Variants in CACNG2 observed in about 807,000 individuals in gnomAD.
The protein encoded by CACNG2 is calcium voltage-gated channel auxiliary subunit gamma 2, also known as voltage-dependent calcium channel gamma-2 subunit.
Under a neutral mutation model 25.9 loss-of-function variants are expected in CACNG2, and 3 were observed. That is an observed-to-expected ratio of 0.12 (90% CI 0.05 to 0.30). CACNG2 has a LOEUF of 0.30. Among genes scored for constraint, CACNG2 ranks in the 10% least tolerant of loss-of-function variants. The pLI is 1.00. For synonymous variants in CACNG2, 167 were observed against 173.3 expected (o/e 0.96, Z 0.29); for missense variants, 341 against 432.5 (o/e 0.79, Z 1.88).
At chr22:36,597,761 C>T (rs187450059) in intron 1 of CACNG2, among the ~76,000 whole-genome samples, 24 of 152,268 alleles carry the variant, frequency 1.6e-4, no homozygotes, top group Non-Finnish European at 2.9e-4. Context: ...GGTTCAGATT[C>T]GGTGACTCTC....
At chr22:36,567,838 A>AATATG (rs2145906417) in intron 2 of CACNG2, among the ~76,000 whole-genome samples, 1 of 151,864 alleles carries the variant, frequency 6.6e-6, no homozygotes, top group East Asian at 1.9e-4. Flanking sequence ...GGTGAGGGAA[A>AATATG]ATATGTCTTC....
At chr22:36,615,448 C>A (rs1487460298) in intron 1 of CACNG2, among the ~76,000 whole-genome samples, 1 of 152,216 alleles carries the variant, frequency 6.6e-6, no homozygotes, top group Non-Finnish European at 1.5e-5. Context: ...ATACAACAAG[C>A]AGACTTCCCC....
At chr22:36,630,185 A>G (rs1396025350) in intron 1 of CACNG2, among the ~76,000 whole-genome samples, 1 of 152,152 alleles carries the variant, frequency 6.6e-6, no homozygotes, top group Non-Finnish European at 1.5e-5. Context: ...GAGGACCTGA[A>G]GAATAGTTTG....
chr22:36,692,026 C>T (rs1937273131), intron 1 of CACNG2, among the ~76,000 whole-genome samples: 1 of 152,132 alleles, frequency 6.6e-6, no homozygotes, highest in Non-Finnish European at 1.5e-5. Context: ...AAAGTGCATA[C>T]ATCCTTTAAG....
At chr22:36,682,257 C>T (rs1401360277) in intron 1 of CACNG2, among the ~76,000 whole-genome samples, 1 of 152,202 alleles carries the variant, frequency 6.6e-6, no homozygotes, top group African/African-American at 2.4e-5. Context: ...CCCACCTCTG[C>T]CCCTGTTAGC....
In CACNG2 at chr22:36,564,472, G is replaced by C. The variant is rs750757628; in HGVS notation, c.851C>G (p.Pro284Arg). 1.9e-6 allele frequency: 3 copies of C among 1,614,124 alleles called. No homozygotes were observed. In the South Asian group the frequency reaches 3.3e-5, roughly 18 times the overall value. ...SRDPLKAATT[P>R]TATYNSDRDN... ...CCTGTCGGAGTTGTAGGTGGCGGTGGGCGTGGTGGCGGCCTTCAGGGGGTC... is the reference window on the plus strand; with the variant it reads ...CCTGTCGGAGTTGTAGGTGGCGGTGCGCGTGGTGGCGGCCTTCAGGGGGTC... Residue 284 changes from proline to arginine, a missense_variant, in exon 4 of 4, where the codon CCC (proline) becomes CGC (arginine). Coordinates refer to ENST00000300105, the MANE Select transcript of CACNG2 (RefSeq NM_006078.5). This position sits in a 1 kb window ranked among gnomAD's most constrained non-coding sequence, Gnocchi z 6.7.
intron 1 of CACNG2, among the ~76,000 whole-genome samples, chr22:36,699,624 A>C (rs1391770119): frequency 1.4e-5 from 2 of 141,722 alleles, no homozygotes; most frequent in African/African-American, 2.7e-5. Context: ...ATTGGGCAGA[A>C]AACACAGATC....
chr22:36,587,760 C>A (rs542201063), intron 1 of CACNG2, among the ~76,000 whole-genome samples: 3 of 152,324 alleles, frequency 2.0e-5, no homozygotes, highest in African/African-American at 7.2e-5. Context: ...CTAAAGCCGA[C>A]GACTTCAAAA....
rs139195565 is a variant in CACNG2, at chr22:36,688,795, G to A, written c.211+13571C>T. Among the ~76,000 whole-genome samples, 160 of 152,242 alleles carry A rather than the reference G, an allele frequency of 1.1e-3. 2 individuals carry two copies. Among genetic ancestry groups the A allele is most frequent in the African/African-American group, 3.8e-3 (157 of 41,542 alleles). Reference sequence around the variant, plus strand: ...CTCAAACTGTGGTCTGCAGACCTGTGGCATCAGCCTCACCTGAGCACCAGA... The same window carrying A: ...CTCAAACTGTGGTCTGCAGACCTGTAGCATCAGCCTCACCTGAGCACCAGA... On this transcript the variant is annotated intron_variant, in intron 1 of 3. Transcript: ENST00000300105.
At chr22:36,579,458 T>C (rs1363180487) in intron 2 of CACNG2, among the ~76,000 whole-genome samples, 1 of 128,016 alleles carries the variant, frequency 7.8e-6, no homozygotes, top group Non-Finnish European at 1.6e-5. Context: ...CAAATACATA[T>C]AGGATCAAAC....
At chr22:36,607,785 C>T (rs1454903129) in intron 1 of CACNG2, among the ~76,000 whole-genome samples, 1 of 152,158 alleles carries the variant, frequency 6.6e-6, no homozygotes, top group Non-Finnish European at 1.5e-5. Context: ...AACCAGGATT[C>T]CCAGCTAGAT....
intron 1 of CACNG2, among the ~76,000 whole-genome samples, chr22:36,695,234 A>G (rs926847504): frequency 7.9e-5 from 12 of 151,096 alleles, no homozygotes; most frequent in South Asian, 2.1e-4. Flanking sequence ...AGAAAGAAAG[A>G]AAGGAAGGAA....
intron 1 of CACNG2, among the ~76,000 whole-genome samples, chr22:36,695,324 G>A (rs1231533358): frequency 1.3e-5 from 2 of 152,114 alleles, no homozygotes; most frequent in African/African-American, 2.4e-5. Flanking sequence ...GTGAGTATAA[G>A]TCACAGAGAC....
At chr22:36,696,736 G>A (rs1937347320) in intron 1 of CACNG2, among the ~76,000 whole-genome samples, 1 of 152,220 alleles carries the variant, frequency 6.6e-6, no homozygotes, top group South Asian at 2.1e-4. Context: ...TGGATGAGGA[G>A]TGCAGGTGGA....
intron 1 of CACNG2, among the ~76,000 whole-genome samples, chr22:36,594,729 C>G (rs1304261423): frequency 1.1e-4 from 15 of 138,056 alleles, no homozygotes; most frequent in African/African-American, 3.5e-4. Context: ...GTGTGTGTGT[C>G]TGTGTGTGCA....
intron 1 of CACNG2, among the ~76,000 whole-genome samples, chr22:36,607,740 A>C (rs1320402061): frequency 2.6e-5 from 4 of 152,102 alleles, no homozygotes; most frequent in Non-Finnish European, 1.5e-5. Context: ...CAGAAATCTC[A>C]AAGATTTCCA....
At chr22:36,654,752 C>G (rs1480879621) in intron 1 of CACNG2, among the ~76,000 whole-genome samples, 1 of 152,168 alleles carries the variant, frequency 6.6e-6, no homozygotes, top group Non-Finnish European at 1.5e-5. Flanking sequence ...ATATCTTCAT[C>G]TACAAGAGTT....
intron 1 of CACNG2, among the ~76,000 whole-genome samples, chr22:36,609,279 G>C (rs1935890102): frequency 6.9e-6 from 1 of 145,568 alleles, no homozygotes; most frequent in African/African-American, 2.6e-5. Flanking sequence ...AGCACCCCCA[G>C]AGTGTGATCG....
chr22:36,631,437 G>A (rs994377014), intron 1 of CACNG2, among the ~76,000 whole-genome samples: 2 of 152,136 alleles, frequency 1.3e-5, no homozygotes, highest in South Asian at 2.1e-4. Context: ...TCCTTCAGGG[G>A]AAGCTGGCCC....
Sources: allele counts gnomAD v4.1 joint callset (sites outside exome capture counted in the v4.1 genomes callset), GRCh38; gene constraint gnomAD v4.1.1; non-coding constraint Gnocchi (gnomAD v3.1); transcripts MANE v1.5; gene names NCBI Gene and HGNC (gene_info 2026-07-23, HGNC 2026-07-21).